Variants in TPTE2 observed in about 807,000 individuals in gnomAD.
TPTE2 encodes the protein transmembrane phosphoinositide 3-phosphatase and tensin homolog 2, also known as phosphatidylinositol 3,4,5-trisphosphate 3-phosphatase TPTE2.
A neutral mutation model predicts 78.6 loss-of-function variants in TPTE2; 53 were observed. The ratio of observed to expected loss-of-function variants is 0.67; its 90% CI spans 0.54 to 0.85. The LOEUF (loss-of-function observed/expected upper bound fraction) is 0.85, where lower values mean the gene tolerates loss of function less well. Ranked by LOEUF, TPTE2 falls within the 40% of genes least tolerant of loss-of-function variation. The probability of loss-of-function intolerance (pLI) is 0.00; values close to 1 mark genes in which losing one functional copy is unlikely to be tolerated. For synonymous variants in TPTE2, 175 were observed against 206.2 expected (o/e 0.85, Z 1.30); for missense variants, 461 against 623.0 (o/e 0.74, Z 2.77).
At chr13:19,550,375 G>A in the TPTE2 span, among the ~76,000 whole-genome samples, 11 of 152,214 alleles carry the variant, frequency 7.2e-5, no homozygotes, top group South Asian at 2.1e-3. Flanking sequence ...CCACGAGTTC[G>A]TGCTTTCCTA....
chr13:19,534,217 G>A (rs1312852582), intron 1 of TPTE2, among the ~76,000 whole-genome samples: 1 of 152,202 alleles, frequency 6.6e-6, no homozygotes, highest in African/African-American at 2.4e-5. Context: ...AATAGCTCAT[G>A]TAATTTACGG....
intron 10 of TPTE2, among the ~76,000 whole-genome samples, chr13:19,460,024 T>C (rs1421850697): frequency 6.6e-6 from 1 of 152,202 alleles, no homozygotes; most frequent in Non-Finnish European, 1.5e-5. Flanking sequence ...TGATGCTGCC[T>C]GGCTCCCTGG....
intron 2 of TPTE2, 135 bp downstream of exon 5, chr13:19,493,313 A>AAG (rs1447242499): frequency 7.8e-6 from 5 of 640,450 alleles, no homozygotes; most frequent in Non-Finnish European, 1.0e-5. Flanking sequence ...TGTTGAAGAG[A>AAG]AGTGTGGATG....
In TPTE2 at chr13:19,486,823, C is replaced by T. The variant is rs3002104; in HGVS notation, c.120-4276G>A. ...GGATGTGTTTCTGCTGGGGGTAGTC[C>T]ATAGAGCTATTCTAGCTCAGGATGT... On this transcript the variant is annotated intron_variant, in intron 3 of 19. Transcript: ENST00000400230. The surrounding 1 kb of genome is among the most constrained non-coding windows in gnomAD (Gnocchi z 4.3). Among the ~76,000 whole-genome samples, 28,543 of 152,122 alleles carry T rather than the reference C, an allele frequency of 0.19. 3,676 individuals carry two copies. Among genetic ancestry groups the T allele is most frequent in the African/African-American group, 0.36 (15,024 of 41,462 alleles).
chr13:19,522,308 A>G (rs1870200849), intron 1 of TPTE2, among the ~76,000 whole-genome samples: 1 of 152,198 alleles, frequency 6.6e-6, no homozygotes, highest in Non-Finnish European at 1.5e-5. Flanking sequence ...CCTTTAAGTG[A>G]AAAGGTGAAA....
At chr13:19,473,671 A>G (rs1211970682) in intron 6 of TPTE2, among the ~76,000 whole-genome samples, 1 of 148,574 alleles carries the variant, frequency 6.7e-6, no homozygotes, top group African/African-American at 2.5e-5. Flanking sequence ...TCTCAGCTCA[A>G]CGCAACTTCT....
upstream of TPTE2, among the ~76,000 whole-genome samples, chr13:19,538,610 C>T (rs1871344507): frequency 6.6e-6 from 1 of 151,440 alleles, no homozygotes; most frequent in African/African-American, 2.4e-5. Flanking sequence ...CTCACTGCAA[C>T]CTCCACCTCC....
chr13:19,434,418 G>C (rs562143644), intron 15 of TPTE2, among the ~76,000 whole-genome samples: 5 of 152,310 alleles, frequency 3.3e-5, no homozygotes, highest in Admixed American at 3.3e-4. Context: ...TGGAAGAGAA[G>C]GTTGGAAAAG....
At chr13:19,550,244 A>G in the TPTE2 span, among the ~76,000 whole-genome samples, 3 of 152,206 alleles carry the variant, frequency 2.0e-5, no homozygotes, top group Non-Finnish European at 4.4e-5. Context: ...AAAAGTGAAA[A>G]TTTAACTATT....
chr13:19,438,480 C>T (rs577006842), intron 13 of TPTE2: 47 of 972,540 alleles, frequency 4.8e-5, no homozygotes, highest in Non-Finnish European at 4.9e-5. Flanking sequence ...AAGAAAAATT[C>T]CCACCTCATT....
intron 4 of TPTE2, among the ~76,000 whole-genome samples, chr13:19,476,338 G>A (rs538135302): frequency 1.1e-4 from 16 of 149,992 alleles, no homozygotes; most frequent in South Asian, 2.1e-4. Flanking sequence ...GAAGCCTCCT[G>A]TGTTGGAGGC....
At chr13:19,483,259 G>A (rs1207312575) in intron 3 of TPTE2, among the ~76,000 whole-genome samples, 1 of 152,232 alleles carries the variant, frequency 6.6e-6, no homozygotes, top group Non-Finnish European at 1.5e-5. Context: ...CCTTTCACAA[G>A]TGAGGATTAA....
At chr13:19,511,394 C>T (rs116988675) in intron 1 of TPTE2, among the ~76,000 whole-genome samples, 3,019 of 152,224 alleles carry the variant, frequency 0.02, 40 homozygotes, top group Middle Eastern at 0.048. Flanking sequence ...ACATAGTTTA[C>T]AGAACACATA....
chr13:19,448,837 C>T (rs1311260474), intron 13 of TPTE2, among the ~76,000 whole-genome samples: 1 of 152,180 alleles, frequency 6.6e-6, no homozygotes, highest in Non-Finnish European at 1.5e-5. Flanking sequence ...ATGAAATCTG[C>T]ACTCCCGTGT....
chr13:19,478,858 T>C (rs1394342957), intron 4 of TPTE2, among the ~76,000 whole-genome samples: 15 of 152,118 alleles, frequency 9.9e-5, no homozygotes, highest in Non-Finnish European at 2.2e-4. Context: ...ATGTCCTTTG[T>C]AGGGACATGG....
At chr13:19,466,254 G>A (rs1404073775) in intron 7 of TPTE2, among the ~76,000 whole-genome samples, 1 of 152,200 alleles carries the variant, frequency 6.6e-6, no homozygotes, top group Non-Finnish European at 1.5e-5. Flanking sequence ...AGTGGGTCCA[G>A]GGTGGGGCCT....
chr13:19,485,076 G>A (rs1438144291), intron 3 of TPTE2, among the ~76,000 whole-genome samples: 1 of 152,116 alleles, frequency 6.6e-6, no homozygotes, highest in Admixed American at 6.6e-5. Flanking sequence ...TACTTTTGAA[G>A]TTGGGTAGTT....
chr13:19,550,500 G>A, the TPTE2 span, among the ~76,000 whole-genome samples: 99,222 of 152,116 alleles, frequency 0.65, 34,867 homozygotes, highest in East Asian at 0.88. Flanking sequence ...TGTATACAAC[G>A]GAAAACAGTT....
chr13:19,456,775 T>TGTGTTTGTG (rs1878561393), intron 10 of TPTE2, among the ~76,000 whole-genome samples: 2 of 151,964 alleles, frequency 1.3e-5, no homozygotes, highest in African/African-American at 4.8e-5. Context: ...GGTGTGGGGG[T>TGTGTTTGTG]GTGTTTGTGT....
Sources: allele counts gnomAD v4.1 joint callset (sites outside exome capture counted in the v4.1 genomes callset), GRCh38; gene constraint gnomAD v4.1.1; non-coding constraint Gnocchi (gnomAD v3.1); transcripts MANE v1.5; gene names NCBI Gene and HGNC (gene_info 2026-07-23, HGNC 2026-07-21).